HERC3: variants seen among roughly 807,000 people sequenced by gnomAD.
The protein encoded by HERC3 is HECT and RLD domain containing E3 ubiquitin protein ligase 3.
HERC3 carries 58 observed loss-of-function variants against 129.9 expected under a neutral mutation model. The ratio of observed to expected loss-of-function variants is 0.45; its 90% CI spans 0.36 to 0.56. HERC3 has a LOEUF of 0.56. HERC3 is among the 20% of genes least tolerant of loss of function. The pLI is 0.00. For synonymous variants in HERC3, 430 were observed against 451.0 expected (o/e 0.95, Z 0.59); for missense variants, 835 against 1,244.2 (o/e 0.67, Z 4.95).
chr4:88,585,419 T>C, the HERC3 span, among the ~76,000 whole-genome samples: 1 of 152,236 alleles, frequency 6.6e-6, no homozygotes, highest in African/African-American at 2.4e-5. Context: ...TGATGGATAA[T>C]ATAAATCACG....
chr4:88,602,402 CAAAA>C (rs112656963), intron 2 of HERC3, among the ~76,000 whole-genome samples: 3 of 51,230 alleles, frequency 5.9e-5, no homozygotes, highest in South Asian at 9.8e-4. Context: ...ACTTGGTCTC[CAAAA>C]AAAAAAAAAA....
chr4:88,615,496 T>C (rs2149211268), intron 3 of HERC3, among the ~76,000 whole-genome samples: 1 of 152,334 alleles, frequency 6.6e-6, no homozygotes, highest in African/African-American at 2.4e-5. Context: ...ATTTCTATTA[T>C]AATTATTAAC....
At chr4:88,622,331 C>A (rs539152485) in intron 3 of HERC3, among the ~76,000 whole-genome samples, 2 of 152,268 alleles carry the variant, frequency 1.3e-5, no homozygotes, top group South Asian at 4.1e-4. Flanking sequence ...TTTCTTATTC[C>A]CAAATAATAT....
the HERC3 span, among the ~76,000 whole-genome samples, chr4:88,540,228 G>A: frequency 6.6e-6 from 1 of 152,148 alleles, no homozygotes; most frequent in African/African-American, 2.4e-5. Flanking sequence ...AGAATAAACA[G>A]TGTAGTGTAG....
chr4:88,649,754 C>A, intron 3 of HERC3, 86 bp from the exon 4 acceptor site: 4 of 1,128,420 alleles, frequency 3.5e-6, no homozygotes, highest in Non-Finnish European at 5.1e-6. Context: ...AAAAATAAAA[C>A]TGCCCAGGAA....
chr4:88,530,069 C>A, the HERC3 span, among the ~76,000 whole-genome samples: 2 of 152,018 alleles, frequency 1.3e-5, no homozygotes, highest in Admixed American at 6.6e-5. Flanking sequence ...GCAGGCGGAT[C>A]ACCTGAGGAG....
chr4:88,647,130 C>T (rs766555421), intron 3 of HERC3, among the ~76,000 whole-genome samples: 1 of 152,072 alleles, frequency 6.6e-6, no homozygotes, highest in African/African-American at 2.4e-5. Flanking sequence ...TAGAGATTGA[C>T]GTGACTGGGA....
chr4:88,696,880 A>G (rs1734652896), intron 23 of HERC3: 2 of 266,340 alleles, frequency 7.5e-6, no homozygotes, highest in African/African-American at 4.4e-5. Flanking sequence ...ATGGGTTTCA[A>G]AGTGACGTTC....
intron 3 of HERC3, among the ~76,000 whole-genome samples, chr4:88,639,964 C>A (rs1477409543): frequency 6.6e-6 from 1 of 151,892 alleles, no homozygotes; most frequent in African/African-American, 2.4e-5. Flanking sequence ...ATGCGGCCAA[C>A]AAACATGAAA....
At chr4:88,665,278 A>C (rs1730929555) in intron 12 of HERC3, among the ~76,000 whole-genome samples, 1 of 152,220 alleles carries the variant, frequency 6.6e-6, no homozygotes, top group Admixed American at 6.5e-5. Context: ...CAGGCGAGCC[A>C]GCATCATAGC....
chr4:88,540,098 T>A, the HERC3 span, among the ~76,000 whole-genome samples: 2 of 152,152 alleles, frequency 1.3e-5, no homozygotes, highest in African/African-American at 4.8e-5. Context: ...CTTTGATGAG[T>A]TGACAGAAGT....
intron 16 of HERC3, among the ~76,000 whole-genome samples, chr4:88,671,295 T>C (rs1319357135): frequency 6.6e-6 from 1 of 152,150 alleles, no homozygotes; most frequent in Non-Finnish European, 1.5e-5. Context: ...AGCAGGTTCA[T>C]CACCAGTATT....
At chr4:88,653,179 A>T in intron 6 of HERC3, 89 bp downstream of exon 6, 1 of 1,264,106 alleles carries the variant, frequency 7.9e-7, no homozygotes, top group Non-Finnish European at 1.1e-6. Flanking sequence ...TGCTAGCCCC[A>T]TGTGAGATAC....
chr4:88,695,960 C>G (rs945719259), intron 23 of HERC3: 4 of 152,556 alleles, frequency 2.6e-5, no homozygotes, highest in Non-Finnish European at 4.4e-5. Flanking sequence ...TGATAAACAA[C>G]TTTAAGCTTA....
At chr4:88,675,507 A>AT (rs1732064743) in intron 16 of HERC3, among the ~76,000 whole-genome samples, 1 of 151,998 alleles carries the variant, frequency 6.6e-6, no homozygotes, top group African/African-American at 2.4e-5. Flanking sequence ...TATATTGTTG[A>AT]TTTTTTATTG....
intron 21 of HERC3, among the ~76,000 whole-genome samples, chr4:88,684,014 A>G (rs1021891584): frequency 6.6e-6 from 1 of 152,236 alleles, no homozygotes; most frequent in Non-Finnish European, 1.5e-5. Context: ...ATGGATAGGA[A>G]GAATCAATAT....
At chr4:88,601,392 T>C (rs1457857592) in intron 2 of HERC3, among the ~76,000 whole-genome samples, 2 of 152,210 alleles carry the variant, frequency 1.3e-5, no homozygotes, top group African/African-American at 4.8e-5. Flanking sequence ...GTTGTAATCT[T>C]TAATTTGTAG....
chr4:88,577,728 G>A, the HERC3 span, among the ~76,000 whole-genome samples: 5 of 151,108 alleles, frequency 3.3e-5, no homozygotes, highest in South Asian at 1.0e-3. Flanking sequence ...TCCATAAACA[G>A]ATTTACTTTA....
At chr4:88,683,521 G>A (rs995379792) in intron 21 of HERC3, among the ~76,000 whole-genome samples, 4 of 152,188 alleles carry the variant, frequency 2.6e-5, no homozygotes, top group Admixed American at 2.6e-4. Flanking sequence ...TGCTTATGTG[G>A]CTGAGAATTA....
Sources: gnomAD v4.1 joint callset for allele counts (sites outside exome capture counted in the v4.1 genomes callset) on GRCh38, gnomAD v4.1.1 for gene constraint, MANE v1.5 for transcripts, NCBI Gene and HGNC (gene_info 2026-07-23, HGNC 2026-07-21) for gene names.